The following CHST11 variants were observed in gnomAD, a reference collection of about 807,000 sequenced individuals.
CHST11 encodes C4S-1.
In CHST11, 9 loss-of-function variants were observed where a neutral mutation model predicts 30.4. The observed-to-expected ratio is 0.30, with a 90% CI of 0.18 to 0.52. The LOEUF (loss-of-function observed/expected upper bound fraction) is 0.52. CHST11 is among the 20% of genes least tolerant of loss of function. The probability of loss-of-function intolerance (pLI) is 0.97; values close to 1 mark genes in which losing one functional copy is unlikely to be tolerated. For synonymous variants in CHST11, 152 were observed against 187.8 expected, an observed-to-expected ratio of 0.81 and a Z score of 1.56; for missense variants, 348 against 460.6, an observed-to-expected ratio of 0.76 and a Z score of 2.24.
At chr12:104,727,385 C>G (rs1008498175) in intron 2 of CHST11, among the ~76,000 whole-genome samples, 6 of 152,198 alleles carry the variant, frequency 3.9e-5, no homozygotes, top group African/African-American at 7.2e-5. Flanking sequence ...TGCTCAGGTG[C>G]TGAAGTTACA....
intron 2 of CHST11, among the ~76,000 whole-genome samples, chr12:104,748,136 C>T (rs879872765): frequency 1.3e-5 from 2 of 152,090 alleles, no homozygotes; most frequent in East Asian, 1.9e-4. Context: ...GAGATCAAAG[C>T]GAGATGAAGG....
At chr12:104,485,321 A>G (rs368357649) in intron 1 of CHST11, among the ~76,000 whole-genome samples, 167 of 152,334 alleles carry the variant, frequency 1.1e-3, no homozygotes, top group African/African-American at 3.6e-3. Context: ...CACGACAGCA[A>G]ATGATTCCAG....
intron 2 of CHST11, among the ~76,000 whole-genome samples, chr12:104,657,916 G>T (rs1566025900): frequency 6.6e-6 from 1 of 152,124 alleles, no homozygotes; most frequent in Non-Finnish European, 1.5e-5. Context: ...ATAAAGACAC[G>T]CTTTATTTCC....
intron 2 of CHST11, among the ~76,000 whole-genome samples, chr12:104,715,799 C>T (rs529829920): frequency 6.6e-6 from 1 of 152,306 alleles, no homozygotes; most frequent in South Asian, 2.1e-4. Context: ...GGATATCGCT[C>T]AGGGATGAAA....
chr12:104,732,767 C>T (rs990408312), intron 2 of CHST11, among the ~76,000 whole-genome samples: 2 of 152,254 alleles, frequency 1.3e-5, no homozygotes, highest in Admixed American at 6.5e-5. Context: ...TTGATACCCC[C>T]AGTCTCCAGA....
chr12:104,624,785 C>T (rs992475717), intron 2 of CHST11, among the ~76,000 whole-genome samples: 4 of 152,090 alleles, frequency 2.6e-5, no homozygotes, highest in East Asian at 1.9e-4. Context: ...TTTGTTGACT[C>T]GGGTCTTGGA....
intron 2 of CHST11, among the ~76,000 whole-genome samples, chr12:104,636,483 C>T (rs546611305): frequency 3.9e-5 from 6 of 152,200 alleles, no homozygotes; most frequent in Non-Finnish European, 7.3e-5. Flanking sequence ...CCTTTAGGTG[C>T]GCTCTGGTAC....
At chr12:104,675,021 A>G (rs182576188) in intron 2 of CHST11, among the ~76,000 whole-genome samples, 3 of 152,336 alleles carry the variant, frequency 2.0e-5, no homozygotes, top group African/African-American at 2.4e-5. Flanking sequence ...TTTTCCGAAG[A>G]AAGGTACTGC....
At chr12:104,514,252 C>A in intron 1 of CHST11, 1 of 865,826 alleles carries the variant, frequency 1.2e-6, no homozygotes. Context: ...GTTGGGGCAG[C>A]CACAGTTGGT....
intron 2 of CHST11, among the ~76,000 whole-genome samples, chr12:104,734,135 A>G (rs1022061863): frequency 2.0e-5 from 3 of 152,236 alleles, no homozygotes; most frequent in Non-Finnish European, 4.4e-5. Flanking sequence ...CCTGGTCAGC[A>G]CTGGCGCCAG....
rs1465557711 is a variant in CHST11, at chr12:104,458,203, C to A, written c.118+674C>A. Among the ~76,000 whole-genome samples, 2 of 152,106 alleles carry A rather than the reference C, an allele frequency of 1.3e-5. No homozygotes were observed. Among genetic ancestry groups the A allele is most frequent in the Non-Finnish European group, 2.9e-5 (2 of 68,004 alleles). ...GGGGTCCGGCTCCGCAGTGACCTTG[C>A]GGCTGGTGCCCCGGGGCCTGCTCCA... On this transcript the variant is annotated intron_variant, in intron 1 of 2. Coordinates refer to ENST00000303694, the MANE Select transcript of CHST11 (RefSeq NM_018413.6). The surrounding 1 kb of genome is among the most constrained non-coding windows in gnomAD (Gnocchi z 5.7).
chr12:104,473,350 A>C (rs1346207429), intron 1 of CHST11, among the ~76,000 whole-genome samples: 5 of 152,186 alleles, frequency 3.3e-5, no homozygotes, highest in Non-Finnish European at 5.9e-5. Flanking sequence ...TCAGTCTCTC[A>C]GTTGCTAATG....
In CHST11 at chr12:104,515,529, A is replaced by G. The variant is rs79279271; in HGVS notation, c.118+58000A>G. ...TTTTCATTCATTCATTCATTCATTCATTGTTTCACCAAATATTCTTTGAGT... is the reference window on the plus strand; with the variant it reads ...TTTTCATTCATTCATTCATTCATTCGTTGTTTCACCAAATATTCTTTGAGT... On this transcript the variant is annotated intron_variant, in intron 1 of 2. Transcript: ENST00000303694. Among the ~76,000 whole-genome samples, 465 of 152,210 alleles carry G rather than the reference A, an allele frequency of 3.1e-3. 4 individuals carry two copies. The highest frequency in any genetic ancestry group is 0.011 in the African/African-American group (442 of 41,480).
chr12:104,619,212 G>A (rs1049872262), intron 2 of CHST11, among the ~76,000 whole-genome samples: 2 of 152,196 alleles, frequency 1.3e-5, no homozygotes, highest in Non-Finnish European at 2.9e-5. Flanking sequence ...TACACCTCTC[G>A]GTTTCCTGGA....
intron 2 of CHST11, among the ~76,000 whole-genome samples, chr12:104,718,957 G>A (rs2040153068): frequency 6.6e-6 from 1 of 152,164 alleles, no homozygotes; most frequent in Non-Finnish European, 1.5e-5. Context: ...CTTCTGTCGG[G>A]GAAGGTTCTC....
chr12:104,726,682 A>C (rs375023277), intron 2 of CHST11, among the ~76,000 whole-genome samples: 21 of 152,170 alleles, frequency 1.4e-4, no homozygotes, highest in Non-Finnish European at 2.6e-4. Flanking sequence ...GGGCTGGGAA[A>C]GGGTGTGCCA....
At chr12:104,602,034 T>TTG in intron 2 of CHST11, 43 bp downstream of exon 2, 1 of 1,455,368 alleles carries the variant, frequency 6.9e-7, no homozygotes, top group Non-Finnish European at 9.6e-7. Flanking sequence ...TTTTTTTTTT[T>TTG]GTAGGTATGG....
chr12:104,579,513 G>A (rs148595959), intron 1 of CHST11, among the ~76,000 whole-genome samples: 2,253 of 152,222 alleles, frequency 0.015, 23 homozygotes, highest in Non-Finnish European at 0.022. Flanking sequence ...AGCACATGTC[G>A]GAACAGACAA....
intron 1 of CHST11, among the ~76,000 whole-genome samples, chr12:104,519,460 C>T (rs73384152): frequency 0.022 from 3,286 of 152,232 alleles, 138 homozygotes; most frequent in African/African-American, 0.075. Context: ...ATAAATGCCT[C>T]GAGGCAGCCA....
Sources: allele counts gnomAD v4.1 joint callset (sites outside exome capture counted in the v4.1 genomes callset), GRCh38; gene constraint gnomAD v4.1.1; non-coding constraint Gnocchi (gnomAD v3.1); transcripts MANE v1.5; gene names NCBI Gene and HGNC (gene_info 2026-07-23, HGNC 2026-07-21).